Variants in FGD6 observed in about 807,000 individuals in gnomAD.
FGD6 encodes the protein FYVE, RhoGEF and PH domain containing 6, also known as FYVE, RhoGEF and PH domain-containing protein 6.
Under a neutral mutation model 149.4 loss-of-function variants are expected in FGD6, and 90 were observed. The ratio of observed to expected loss-of-function variants is 0.60; its 90% CI spans 0.51 to 0.72. The LOEUF is 0.72. Among genes scored for constraint, FGD6 ranks in the 30% least tolerant of loss-of-function variants. FGD6 has a pLI of 0.00. For missense variants in FGD6, 1,437 were observed against 1,684.8 expected, an observed-to-expected ratio of 0.85 and a Z score of 2.57; for synonymous variants, 527 against 584.0, an observed-to-expected ratio of 0.90 and a Z score of 1.41.
intron 9 of FGD6, among the ~76,000 whole-genome samples, chr12:95,110,671 C>A (rs147074574): frequency 6.6e-6 from 1 of 151,986 alleles, no homozygotes; most frequent in South Asian, 2.1e-4. Context: ...TCAGAATTTA[C>A]GGTGCCTGGT....
intron 2 of FGD6, among the ~76,000 whole-genome samples, chr12:95,196,324 TG>T (rs1204433700): frequency 1.3e-5 from 2 of 152,178 alleles, no homozygotes; most frequent in Non-Finnish European, 2.9e-5. Flanking sequence ...TTGCCCAGGC[TG>T]GTCTTGAACT....
rs1265071330 is a variant in FGD6 at position 95,210,567 on chromosome 12, G to A, written c.717C>T (p.His239=). 6.2e-7 allele frequency: 1 copy of A among 1,614,206 alleles called. No homozygotes were observed. Among genetic ancestry groups the A allele is most frequent in the Non-Finnish European group, 8.5e-7 (1 of 1,180,046 alleles). ...CACTAGGAAGCTGTAAGTGGCAACT[G>A]TGATGATCAGGAACTTTTTCAAAGC... ...PSSFEKVPDH[H]SCHLQLPSDE... The change falls in exon 2 of 21, where the codon CAC becomes CAT. Residue 239 remains histidine, a synonymous_variant. Transcript: ENST00000343958.
chr12:95,134,544 T>G (rs941532832), intron 8 of FGD6, among the ~76,000 whole-genome samples, 195 bp downstream of exon 8: 4 of 152,070 alleles, frequency 2.6e-5, no homozygotes, highest in Admixed American at 2.6e-4. Flanking sequence ...CATGGATGGA[T>G]GATCAAAGAA....
intron 2 of FGD6, among the ~76,000 whole-genome samples, chr12:95,174,811 C>T (rs1223562341): frequency 1.3e-5 from 2 of 150,640 alleles, no homozygotes; most frequent in Non-Finnish European, 2.9e-5. Flanking sequence ...GCCTGTAGTC[C>T]CAGCTACTCG....
intron 14 of FGD6, among the ~76,000 whole-genome samples, chr12:95,102,443 C>CAAAAAAAAAAAAAAA (rs55926317): frequency 9.6e-6 from 1 of 104,262 alleles, no homozygotes; most frequent in Non-Finnish European, 1.9e-5. Context: ...GACCCTTTCT[C>CAAAAAAAAAAAAAAA]AAAAAAAAAA....
At chr12:95,193,619 C>G (rs573369298) in intron 2 of FGD6, among the ~76,000 whole-genome samples, 51 of 151,118 alleles carry the variant, frequency 3.4e-4, no homozygotes, top group Non-Finnish European at 6.8e-4. Context: ...ACTTCTGCCT[C>G]CTGGGTTCAA....
chr12:95,148,862 TAA>T (rs1329578050), intron 5 of FGD6, among the ~76,000 whole-genome samples: 1 of 86,042 alleles, frequency 1.2e-5, no homozygotes, highest in Non-Finnish European at 2.0e-5. Context: ...ATATATTATA[TAA>T]GATATAGCAT....
At chr12:95,105,964 C>T (rs1052141732) in intron 13 of FGD6, among the ~76,000 whole-genome samples, 3 of 151,940 alleles carry the variant, frequency 2.0e-5, no homozygotes, top group African/African-American at 4.8e-5. Context: ...GAGCTGAGAT[C>T]GCACCACTGC....
chr12:95,079,792 C>G lies in FGD6; in HGVS notation c.*1728G>C, dbSNP rs1386824155. On this transcript the variant is annotated 3_prime_UTR_variant, in exon 21 of 21. Coordinates refer to ENST00000343958, the MANE Select transcript of FGD6 (RefSeq NM_018351.4). Reference sequence around the variant, plus strand: ...ATCTAGTAGGGACTCTGGTGCTGTACCAAACAGCATTCAAAAGGCCCCAGA... The same window carrying G: ...ATCTAGTAGGGACTCTGGTGCTGTAGCAAACAGCATTCAAAAGGCCCCAGA... 6.6e-6 allele frequency: 1 copy of G among 151,822 alleles called. No individual in the cohort carries two copies. Among genetic ancestry groups the G allele is most frequent in the Non-Finnish European group, 1.5e-5 (1 of 67,968 alleles). The allele number at this position is 151,822 out of a possible 1,614,324, so 9.4% of individuals were successfully genotyped here.
intron 2 of FGD6, among the ~76,000 whole-genome samples, chr12:95,176,838 TTA>T (rs1229895913): frequency 1.3e-5 from 2 of 152,180 alleles, no homozygotes; most frequent in Non-Finnish European, 2.9e-5. Flanking sequence ...TATTTTATTA[TTA>T]TTTTTTGAGA....
intron 14 of FGD6, among the ~76,000 whole-genome samples, chr12:95,102,169 C>T (rs1005080742): frequency 2.0e-5 from 3 of 150,766 alleles, no homozygotes; most frequent in South Asian, 2.1e-4. Flanking sequence ...GATGGCCAGA[C>T]GTGGTGACTC....
chr12:95,212,009 A>G (rs2056730408), intron 1 of FGD6, among the ~76,000 whole-genome samples: 1 of 152,218 alleles, frequency 6.6e-6, no homozygotes, highest in Non-Finnish European at 1.5e-5. Context: ...ACCTCGATAG[A>G]TAGAACCCCA....
intron 2 of FGD6, among the ~76,000 whole-genome samples, chr12:95,201,211 G>A (rs1174830048): frequency 6.6e-6 from 1 of 151,866 alleles, no homozygotes; most frequent in Non-Finnish European, 1.5e-5. Context: ...AAAGACACAC[G>A]CCCAGATCTG....
intron 2 of FGD6, among the ~76,000 whole-genome samples, chr12:95,182,393 G>A (rs1186043226): frequency 6.6e-6 from 1 of 152,052 alleles, no homozygotes; most frequent in African/African-American, 2.4e-5. Flanking sequence ...TAGAGACTGG[G>A]TTTCACTATG....
At chr12:95,152,137 G>GT (rs1427346798) in intron 5 of FGD6, among the ~76,000 whole-genome samples, 4 of 151,980 alleles carry the variant, frequency 2.6e-5, no homozygotes, top group Non-Finnish European at 4.4e-5. Context: ...ATCAGCCCGG[G>GT]TAACATGTTG....
Position 95,172,597 on chromosome 12 carries a change from T to C in FGD6, c.2586+3A>G, listed in dbSNP as rs371601506. The C allele has an allele frequency of 1.2e-6, 2 of 1,602,676 alleles. No individual in the cohort carries two copies. The highest frequency in any genetic ancestry group is 2.7e-5 in the African/African-American group (2 of 74,818). On this transcript the variant is annotated splice_donor_region_variant and intron_variant, in intron 3 of 20. Coordinates refer to ENST00000343958, the MANE Select transcript of FGD6 (RefSeq NM_018351.4). ...CAAGAAGCAATTAAGTACCAAAGTA[T>C]ACCTGTTTATCTTCCAGTGGGTCAG... is the stretch of plus-strand genomic sequence containing the variant.
At chr12:95,086,022 A>T (rs1877853122) in intron 18 of FGD6, 114 bp from the exon 19 acceptor site, 1 of 1,066,832 alleles carries the variant, frequency 9.4e-7, no homozygotes, top group African/African-American at 1.6e-5. Flanking sequence ...AATGTTTCAG[A>T]ATGAAATATA....
chr12:95,203,734 A>T (rs988933271), intron 2 of FGD6, among the ~76,000 whole-genome samples: 2 of 152,328 alleles, frequency 1.3e-5, no homozygotes, highest in East Asian at 3.9e-4. Context: ...CCCAATTATC[A>T]TACTTTTTCT....
chr12:95,210,733 T>G lies in FGD6; in HGVS notation c.551A>C (p.Lys184Thr). Residue 184 changes from lysine to threonine, a missense_variant, in exon 2 of 21, where the codon AAA becomes ACA. This residue lies in a region of FGD6 where 1,055 missense variants were observed against 1,146.0 expected (regional missense o/e 0.92). Transcript: ENST00000343958. ...TGGCATTTGGTGTATTAAGGCATCT[T>G]TGAGCTCCTCTTCTAAAACGCTTGC... ...LKASVLEEEL[K>T]DALIHQMPPF... 1 of 1,614,068 alleles carries G rather than the reference T, an allele frequency of 6.2e-7. No homozygotes were observed. The highest frequency in any genetic ancestry group is 8.5e-7 in the Non-Finnish European group (1 of 1,180,026).
Sources: allele counts gnomAD v4.1 joint callset (sites outside exome capture counted in the v4.1 genomes callset), GRCh38; gene constraint gnomAD v4.1.1; regional missense constraint gnomAD v4.1.1; transcripts MANE v1.5; gene names NCBI Gene and HGNC (gene_info 2026-07-23, HGNC 2026-07-21).